The following ANKS1B variants were observed in gnomAD, a reference collection of about 807,000 sequenced individuals.
ANKS1B encodes ankyrin repeat and sterile alpha motif domain containing 1B.
ANKS1B carries 36 observed loss-of-function variants against 148.3 expected under a neutral mutation model. The ratio of observed to expected loss-of-function variants is 0.24; its 90% confidence interval spans 0.19 to 0.32. The LOEUF (loss-of-function observed/expected upper bound fraction) is 0.32. ANKS1B is among the 10% of genes least tolerant of loss of function. The probability of loss-of-function intolerance (pLI) is 1.00; values close to 1 mark genes in which losing one functional copy is unlikely to be tolerated. For missense variants in ANKS1B, 1,157 were observed against 1,542.6 expected, an observed-to-expected ratio of 0.75 and a Z score of 4.19; for synonymous variants, 542 against 560.8, an observed-to-expected ratio of 0.97 and a Z score of 0.47.
intron 1 of ANKS1B, among the ~76,000 whole-genome samples, chr12:99,874,224 A>G (rs2091854898): frequency 6.6e-6 from 1 of 152,032 alleles, no homozygotes; most frequent in Non-Finnish European, 1.5e-5. Flanking sequence ...CAATTTGACC[A>G]TAATATAGAA....
chr12:99,717,470 G>T (rs976538111), intron 8 of ANKS1B, among the ~76,000 whole-genome samples: 3 of 152,208 alleles, frequency 2.0e-5, no homozygotes, highest in African/African-American at 7.2e-5. Flanking sequence ...ACAAGTGCCA[G>T]AAATCTGGCC....
intron 8 of ANKS1B, among the ~76,000 whole-genome samples, chr12:99,732,019 CAAA>C (rs2059208810): frequency 6.6e-6 from 1 of 151,968 alleles, no homozygotes; most frequent in South Asian, 2.1e-4. Flanking sequence ...GATACTTCAT[CAAA>C]GAAGATATGA....
In ANKS1B at chr12:99,343,275, A is replaced by T. The variant is rs990328383; in HGVS notation, c.1756+56356T>A. 2.6e-5 allele frequency among the ~76,000 whole-genome samples: 4 copies of T among 152,236 alleles called. No homozygotes were observed. In the East Asian group the frequency reaches 5.8e-4, roughly 22 times the overall value. ...TAGCAGTCCAGCCTCTCTAGACTAC[A>T]TGAGAATAGATCCAATATCCCATGA... On this transcript the variant is annotated intron_variant, in intron 12 of 26. Transcript: ENST00000683438.
At chr12:98,904,600 T>TC (rs1377827988) in intron 17 of ANKS1B, among the ~76,000 whole-genome samples, 1 of 152,216 alleles carries the variant, frequency 6.6e-6, no homozygotes, top group Admixed American at 6.5e-5. Context: ...AAGACTGGTT[T>TC]CTCCCTTCTC....
intron 1 of ANKS1B, among the ~76,000 whole-genome samples, chr12:99,938,707 G>A (rs1185964342): frequency 6.6e-6 from 1 of 152,156 alleles, no homozygotes; most frequent in Admixed American, 6.5e-5. Flanking sequence ...GCGGCAATTT[G>A]CCACCAATAT....
At chr12:99,893,829 T>C (rs950449223) in intron 1 of ANKS1B, among the ~76,000 whole-genome samples, 1 of 152,202 alleles carries the variant, frequency 6.6e-6, no homozygotes, top group Non-Finnish European at 1.5e-5. Context: ...TTGTCCTTTT[T>C]TATGGCTGTG....
intron 9 of ANKS1B, among the ~76,000 whole-genome samples, chr12:99,581,262 T>G (rs1038953272): frequency 6.6e-6 from 1 of 152,160 alleles, no homozygotes; most frequent in African/African-American, 2.4e-5. Flanking sequence ...TCACCAGATG[T>G]GACCATTTGA....
intron 14 of ANKS1B, among the ~76,000 whole-genome samples, chr12:99,187,446 G>A (rs1325708609): frequency 1.3e-5 from 2 of 152,100 alleles, no homozygotes; most frequent in Non-Finnish European, 2.9e-5. Flanking sequence ...AGAGAGAAAG[G>A]TTAGGTTACC....
chr12:99,750,028 G>A (rs191996619), intron 8 of ANKS1B, among the ~76,000 whole-genome samples: 44 of 152,166 alleles, frequency 2.9e-4, no homozygotes, highest in Non-Finnish European at 4.7e-4. Flanking sequence ...CCACCAGACA[G>A]TACAAATAAT....
intron 1 of ANKS1B, among the ~76,000 whole-genome samples, chr12:99,922,643 C>G (rs1233545064): frequency 6.6e-6 from 1 of 152,036 alleles, no homozygotes; most frequent in Non-Finnish European, 1.5e-5. Flanking sequence ...ACAGGCAATA[C>G]ACAATTATGT....
chr12:99,722,595 C>T (rs1295993965), intron 8 of ANKS1B, among the ~76,000 whole-genome samples: 1 of 152,172 alleles, frequency 6.6e-6, no homozygotes, highest in Non-Finnish European at 1.5e-5. Context: ...ACCTAATTAC[C>T]CAAGAGCTCT....
intron 12 of ANKS1B, among the ~76,000 whole-genome samples, chr12:99,273,576 T>TC (rs2077302938): frequency 7.5e-6 from 1 of 132,732 alleles, no homozygotes; most frequent in Non-Finnish European, 1.5e-5. Context: ...TTTTTGCGAT[T>TC]TTTTTTTTTT....
chr12:98,876,735 TA>T (rs1266989580), intron 17 of ANKS1B, among the ~76,000 whole-genome samples: 2 of 152,222 alleles, frequency 1.3e-5, no homozygotes, highest in Admixed American at 6.5e-5. Flanking sequence ...AGGACCTCCA[TA>T]ATCAGTAACT....
At chr12:99,749,087 C>G (rs1015809604) in intron 8 of ANKS1B, among the ~76,000 whole-genome samples, 5 of 152,100 alleles carry the variant, frequency 3.3e-5, no homozygotes, top group African/African-American at 1.2e-4. Flanking sequence ...AGGCTGCTGG[C>G]TATAGCTTGA....
intron 8 of ANKS1B, among the ~76,000 whole-genome samples, chr12:99,680,427 C>A (rs2098607499): frequency 6.9e-6 from 1 of 143,908 alleles, no homozygotes; most frequent in Non-Finnish European, 1.5e-5. Context: ...TCTGTTAAGA[C>A]TCTGTCAAAA....
At chr12:99,915,173 T>A (rs1285068168) in intron 1 of ANKS1B, among the ~76,000 whole-genome samples, 1 of 141,776 alleles carries the variant, frequency 7.1e-6, no homozygotes, top group Non-Finnish European at 1.5e-5. Flanking sequence ...TGCAGTGAGC[T>A]GAGGTCGCAC....
chr12:99,438,879 G>C (rs998099763), intron 11 of ANKS1B, among the ~76,000 whole-genome samples: 2 of 150,678 alleles, frequency 1.3e-5, no homozygotes, highest in Non-Finnish European at 3.0e-5. Context: ...ACAGCAATAA[G>C]AAAAAGAAAT....
Position 98,884,496 on chromosome 12 carries a change from C to T in ANKS1B, c.2779-52360G>A, listed in dbSNP as rs560563091. Among the ~76,000 whole-genome samples, 3 of 152,276 alleles carry T rather than the reference C, an allele frequency of 2.0e-5. No individual in the cohort carries two copies. The South Asian group carries it at 6.2e-4, about 32-fold the overall frequency. Reference sequence around the variant, plus strand: ...TAGCTGGTCTCATCTAGGCACGTGGCTTTAGAAACTATCTATTTGGGGGCC... The same window carrying T: ...TAGCTGGTCTCATCTAGGCACGTGGTTTTAGAAACTATCTATTTGGGGGCC... On this transcript the variant is annotated intron_variant, in intron 17 of 26. Transcript: ENST00000683438.
intron 9 of ANKS1B, among the ~76,000 whole-genome samples, chr12:99,575,171 C>G (rs1471293924): frequency 1.3e-5 from 2 of 152,030 alleles, no homozygotes; most frequent in African/African-American, 4.8e-5. Context: ...CAAGGGAACT[C>G]CATCAGGCTA....
Sources: allele counts gnomAD v4.1 joint callset (sites outside exome capture counted in the v4.1 genomes callset), GRCh38; gene constraint gnomAD v4.1.1; transcripts MANE v1.5; gene names NCBI Gene and HGNC (gene_info 2026-07-23, HGNC 2026-07-21).